The following TBC1D22A variants were observed in gnomAD, a reference collection of about 807,000 sequenced individuals.
The protein encoded by TBC1D22A is putative GTPase activator.
TBC1D22A carries 38 observed loss-of-function variants against 60.2 expected under a neutral mutation model. The observed-to-expected ratio is 0.63, with a 90% confidence interval of 0.49 to 0.83. The LOEUF is 0.83. Ranked by LOEUF, TBC1D22A falls within the 40% of genes least tolerant of loss-of-function variation. The pLI, the probability that TBC1D22A is intolerant of heterozygous loss-of-function variation, is 0.00. For missense variants in TBC1D22A, 628 were observed against 701.0 expected (o/e 0.90, Z 1.18); for synonymous variants, 302 against 281.7 (o/e 1.07, Z -0.72).
At chr22:46,827,518 C>T (rs976967183) in intron 4 of TBC1D22A, among the ~76,000 whole-genome samples, 1 of 152,172 alleles carries the variant, frequency 6.6e-6, no homozygotes, top group African/African-American at 2.4e-5. Context: ...TTTGAACATG[C>T]GTGTACCAAA....
chr22:47,138,270 G>A (rs1188968929), intron 12 of TBC1D22A, among the ~76,000 whole-genome samples: 2 of 152,204 alleles, frequency 1.3e-5, no homozygotes, highest in Admixed American at 1.3e-4. Context: ...TGTGCCCCCA[G>A]CTAAGGATGC....
intron 8 of TBC1D22A, among the ~76,000 whole-genome samples, chr22:46,963,966 G>A (rs766688207): frequency 5.3e-5 from 8 of 152,342 alleles, no homozygotes; most frequent in Admixed American, 1.3e-4. Context: ...AGCGATGCAC[G>A]TTTTCATGGG....
intron 11 of TBC1D22A, among the ~76,000 whole-genome samples, chr22:47,048,939 C>G (rs1465826246): frequency 2.0e-5 from 3 of 152,226 alleles, no homozygotes; most frequent in African/African-American, 2.4e-5. Flanking sequence ...GTGGTAATGA[C>G]CTTCATTTTT....
intron 8 of TBC1D22A, among the ~76,000 whole-genome samples, chr22:46,969,324 G>T (rs2073956978): frequency 6.6e-6 from 1 of 152,162 alleles, no homozygotes; most frequent in South Asian, 2.1e-4. Context: ...CCCCCACCTT[G>T]CAGGAGTGTT....
At chr22:47,070,318 AGGCTGTTCCCTGTTGTTTGGTTG>A (rs1476992971) in intron 11 of TBC1D22A, among the ~76,000 whole-genome samples, 1 of 145,490 alleles carries the variant, frequency 6.9e-6, no homozygotes, top group Non-Finnish European at 1.5e-5. Context: ...TGATGGTTCC[AGGCTGTTCCCTGTTGTTTGGTTG>A]GAGCGGGGCT....
intron 11 of TBC1D22A, among the ~76,000 whole-genome samples, chr22:47,107,125 A>G (rs2065664257): frequency 6.6e-6 from 1 of 152,208 alleles, no homozygotes; most frequent in Middle Eastern, 3.2e-3. Flanking sequence ...TTAAATATAC[A>G]TGTTAAAATT....
intron 8 of TBC1D22A, among the ~76,000 whole-genome samples, chr22:46,967,082 C>A (rs1312385632): frequency 1.3e-5 from 2 of 152,180 alleles, no homozygotes; most frequent in African/African-American, 4.8e-5. Flanking sequence ...CACTTGTGGG[C>A]TGCAGGCGGA....
chr22:47,105,210 A>T (rs2147693554), intron 11 of TBC1D22A, among the ~76,000 whole-genome samples: 1 of 152,212 alleles, frequency 6.6e-6, no homozygotes, highest in South Asian at 2.1e-4. Context: ...GTAGCAACAT[A>T]TTTAAGATTC....
intron 12 of TBC1D22A, among the ~76,000 whole-genome samples, chr22:47,136,226 CCTT>C (rs1410997370): frequency 1.3e-5 from 2 of 152,222 alleles, no homozygotes; most frequent in Admixed American, 1.3e-4. Context: ...TGCCCATCTG[CCTT>C]CTTCAGCCTC....
intron 11 of TBC1D22A, among the ~76,000 whole-genome samples, chr22:47,062,938 C>T (rs557593366): frequency 1.8e-4 from 27 of 151,890 alleles, no homozygotes; most frequent in African/African-American, 5.8e-4. Context: ...TTAGTTGGTA[C>T]TGCATCTGGG....
At position 47,173,975 on chromosome 22, in the gene TBC1D22A, G is replaced by C. The variant is rs553155077; in HGVS notation, c.*349G>C. The C allele has an allele frequency of 1.2e-4, 27 of 220,040 alleles. No individual in the cohort carries two copies. The highest frequency in any genetic ancestry group is 5.9e-4 in the African/African-American group (26 of 43,778). The allele number at this position is 220,040 out of a possible 1,614,324, so 13.6% of individuals were successfully genotyped here. On this transcript the variant is annotated 3_prime_UTR_variant, in exon 13 of 13. Transcript: ENST00000337137. ...GCCTAGGAGGCCGACCCTCTTTGGA[G>C]TCCTGCTGTCTGGGTGCCAGGGCCG...
intron 1 of TBC1D22A, among the ~76,000 whole-genome samples, chr22:46,786,480 A>G (rs537917292): frequency 1.3e-5 from 2 of 152,056 alleles, no homozygotes; most frequent in African/African-American, 4.8e-5. Flanking sequence ...TTTCTTTGTG[A>G]TATCTTTGCT....
At chr22:46,807,738 T>G (rs2085210045) in intron 4 of TBC1D22A, among the ~76,000 whole-genome samples, 1 of 152,232 alleles carries the variant, frequency 6.6e-6, no homozygotes, top group African/African-American at 2.4e-5. Context: ...ATCACTTGAT[T>G]TAATCCAGGC....
chr22:47,157,888 C>A (rs958454408), intron 12 of TBC1D22A, among the ~76,000 whole-genome samples: 8 of 152,144 alleles, frequency 5.3e-5, no homozygotes, highest in Non-Finnish European at 1.0e-4. Context: ...ATGCCAGTTA[C>A]CCCTGCCATG....
intron 8 of TBC1D22A, among the ~76,000 whole-genome samples, chr22:46,962,749 G>C (rs136096): frequency 0.19 from 29,284 of 152,174 alleles, 3,025 homozygotes; most frequent in East Asian, 0.27. Context: ...GGGCAGAAAT[G>C]CAACTGTAGT....
chr22:46,872,201 G>A (rs773043121), intron 4 of TBC1D22A, among the ~76,000 whole-genome samples: 2 of 152,070 alleles, frequency 1.3e-5, no homozygotes, highest in South Asian at 2.1e-4. Context: ...TGGCTTTGTC[G>A]GTGAACTGTA....
intron 8 of TBC1D22A, among the ~76,000 whole-genome samples, chr22:46,944,237 A>G (rs1288252925): frequency 6.6e-6 from 1 of 152,192 alleles, no homozygotes; most frequent in African/African-American, 2.4e-5. Flanking sequence ...CCTACTGGGT[A>G]TAAAGTGGTA....
rs1346541684 is a variant in TBC1D22A, at chr22:46,912,140, A to G, written c.967A>G (p.Asn323Asp). 1.2e-6 allele frequency: 2 copies of G among 1,614,096 alleles called. No homozygotes were observed. Among genetic ancestry groups the G allele is most frequent in the South Asian group, 1.1e-5 (1 of 91,054 alleles). ...AGCCAGTGGATACGTTCAGGGTATA[A>G]ATGATCTCGTCACTCCTTTCTTTGT... The part of the protein sequence containing the change: ...HPASGYVQGI[N>D]DLVTPFFVVF... Residue 323 changes from asparagine (N) to aspartate (D), a missense_variant, in exon 8 of 13, where the codon AAT (asparagine) becomes GAT (aspartate). Coordinates refer to ENST00000337137, the MANE Select transcript of TBC1D22A (RefSeq NM_014346.5).
At chr22:47,044,830 A>T (rs569956429) in intron 11 of TBC1D22A, among the ~76,000 whole-genome samples, 1 of 152,232 alleles carries the variant, frequency 6.6e-6, no homozygotes, top group Non-Finnish European at 1.5e-5. Flanking sequence ...CATGTCTGGA[A>T]AGTCCTTAGC....
Sources: gnomAD v4.1 joint callset for allele counts (sites outside exome capture counted in the v4.1 genomes callset) on GRCh38, gnomAD v4.1.1 for gene constraint, MANE v1.5 for transcripts, NCBI Gene and HGNC (gene_info 2026-07-23, HGNC 2026-07-21) for gene names.